Variants in CNTNAP5 observed in about 807,000 individuals in gnomAD.
CNTNAP5 encodes contactin-associated protein-like 5.
Under a neutral mutation model 150.2 loss-of-function variants are expected in CNTNAP5, and 72 were observed. That is an observed-to-expected ratio of 0.48 (90% CI 0.40 to 0.58). The LOEUF (loss-of-function observed/expected upper bound fraction) is 0.58. Among genes scored for constraint, CNTNAP5 ranks in the 20% least tolerant of loss-of-function variants. The pLI is 0.00. For missense variants in CNTNAP5, 1,636 were observed against 1,626.2 expected, an observed-to-expected ratio of 1.01 and a Z score of -0.10; for synonymous variants, 672 against 619.8, an observed-to-expected ratio of 1.08 and a Z score of -1.25.
intron 19 of CNTNAP5, among the ~76,000 whole-genome samples, chr2:124,807,501 T>G (rs1682106094): frequency 6.6e-6 from 1 of 152,200 alleles, no homozygotes; most frequent in Non-Finnish European, 1.5e-5. Flanking sequence ...TTAATTCATC[T>G]CATTCTCACA....
At chr2:124,899,881 G>A (rs902738089) in intron 21 of CNTNAP5, among the ~76,000 whole-genome samples, 1 of 151,382 alleles carries the variant, frequency 6.6e-6, no homozygotes, top group African/African-American at 2.5e-5. Context: ...TGAATTCTGT[G>A]AGGCACTTAA....
At chr2:124,280,451 T>C (rs1056495944) in intron 3 of CNTNAP5, among the ~76,000 whole-genome samples, 3 of 152,142 alleles carry the variant, frequency 2.0e-5, no homozygotes, top group African/African-American at 7.2e-5. Context: ...ATTACAGTCA[T>C]GAGCTACCAC....
rs778939777 is a variant in CNTNAP5, at chr2:124,617,085, C to T, written c.1876+7165C>T. 5.3e-4 allele frequency among the ~76,000 whole-genome samples: 80 copies of T among 151,610 alleles called. 1 individual carries two copies. Among genetic ancestry groups the T allele is most frequent in the Admixed American group, 3.3e-3 (50 of 15,214 alleles). ...CAATGATAATAATATAATATAATAA[C>T]GATAATTATAATAATAATATACATA... On this transcript the variant is annotated intron_variant, in intron 12 of 23. Transcript: ENST00000682447.
At chr2:124,493,320 A>C (rs1479002494) in intron 7 of CNTNAP5, among the ~76,000 whole-genome samples, 1 of 151,094 alleles carries the variant, frequency 6.6e-6, no homozygotes, top group Non-Finnish European at 1.5e-5. Context: ...TTTTTAATTA[A>C]AAATATTTAA....
chr2:124,083,669 C>T (rs1003467003), intron 1 of CNTNAP5, among the ~76,000 whole-genome samples: 6 of 151,876 alleles, frequency 4.0e-5, no homozygotes, highest in African/African-American at 1.5e-4. Context: ...ATTTATGTGT[C>T]CCTCTTTCTA....
chr2:124,619,869 A>ATG (rs1404308522), intron 12 of CNTNAP5, among the ~76,000 whole-genome samples: 3 of 118,622 alleles, frequency 2.5e-5, no homozygotes, highest in African/African-American at 1.1e-4. Flanking sequence ...ATATATATAT[A>ATG]TATATATATA....
chr2:124,532,221 A>G (rs1695126006), intron 10 of CNTNAP5, among the ~76,000 whole-genome samples: 1 of 152,208 alleles, frequency 6.6e-6, no homozygotes, highest in Non-Finnish European at 1.5e-5. Flanking sequence ...CATTCCTCAC[A>G]TAAAAGTTTT....
intron 7 of CNTNAP5, among the ~76,000 whole-genome samples, chr2:124,475,763 A>G (rs1286353413): frequency 6.6e-6 from 1 of 152,034 alleles, no homozygotes; most frequent in Non-Finnish European, 1.5e-5. Flanking sequence ...TTTGCTCTTA[A>G]CCTGCCTATG....
chr2:124,805,553 T>C (rs565280541), intron 19 of CNTNAP5, among the ~76,000 whole-genome samples: 18 of 152,236 alleles, frequency 1.2e-4, no homozygotes, highest in Admixed American at 8.5e-4. Context: ...AGCTTCTAAG[T>C]CAGTCCTCTA....
intron 6 of CNTNAP5, among the ~76,000 whole-genome samples, chr2:124,461,002 G>T (rs976180165): frequency 1.2e-4 from 19 of 152,232 alleles, no homozygotes; most frequent in Admixed American, 9.8e-4. Context: ...AGTTAAAATG[G>T]CAATCATTAA....
chr2:124,649,627 G>A (rs538520208), intron 13 of CNTNAP5, among the ~76,000 whole-genome samples: 16 of 152,298 alleles, frequency 1.1e-4, no homozygotes, highest in South Asian at 8.3e-4. Context: ...GGGAGGGCAC[G>A]GGTTTGGCAG....
intron 12 of CNTNAP5, among the ~76,000 whole-genome samples, chr2:124,627,927 G>A (rs1677763675): frequency 1.3e-5 from 2 of 152,118 alleles, no homozygotes; most frequent in African/African-American, 4.8e-5. Flanking sequence ...GCAAACACAA[G>A]TATCAATAGC....
At chr2:124,665,308 G>T (rs1347121224) in intron 13 of CNTNAP5, among the ~76,000 whole-genome samples, 1 of 152,128 alleles carries the variant, frequency 6.6e-6, no homozygotes, top group South Asian at 2.1e-4. Context: ...TCTATTTATA[G>T]ATCCTCATGT....
rs577735936 is a variant in CNTNAP5 at position 124,196,669 on chromosome 2, A to G, written c.83-25036A>G. On this transcript the variant is annotated intron_variant, in intron 1 of 23. Coordinates refer to ENST00000682447, the MANE Select transcript of CNTNAP5 (RefSeq NM_001367498.1). Reference sequence around the variant, plus strand: ...CCACTTCCCACTGTAAACAGTCACAAAGCATTTTAAAATAGGTTCATTTTT... The same window carrying G: ...CCACTTCCCACTGTAAACAGTCACAGAGCATTTTAAAATAGGTTCATTTTT... 4.6e-4 allele frequency among the ~76,000 whole-genome samples: 70 copies of G among 152,326 alleles called. No individual in the cohort carries two copies. The South Asian group carries it at 6.4e-3, about 14-fold the overall frequency.
At chr2:124,540,549 G>T (rs1176594034) in intron 10 of CNTNAP5, among the ~76,000 whole-genome samples, 1 of 152,136 alleles carries the variant, frequency 6.6e-6, no homozygotes, top group Non-Finnish European at 1.5e-5. Context: ...TCTGTACCAG[G>T]CACATTTCTT....
chr2:124,437,646 C>A (rs939019290), intron 5 of CNTNAP5, among the ~76,000 whole-genome samples: 10 of 151,976 alleles, frequency 6.6e-5, no homozygotes, highest in African/African-American at 2.4e-4. Context: ...TATATGAATT[C>A]TTTAAATATT....
intron 8 of CNTNAP5, among the ~76,000 whole-genome samples, chr2:124,522,918 T>C (rs1049503876): frequency 5.3e-5 from 8 of 152,240 alleles, no homozygotes; most frequent in African/African-American, 1.4e-4. Flanking sequence ...TTAGTTAGGC[T>C]TTCTTTCTTC....
At chr2:124,276,296 G>A (rs1014940020) in intron 3 of CNTNAP5, among the ~76,000 whole-genome samples, 1 of 152,116 alleles carries the variant, frequency 6.6e-6, no homozygotes, top group African/African-American at 2.4e-5. Flanking sequence ...GGCATATCAG[G>A]CACACTTCAA....
chr2:124,615,986 G>A (rs952592514), intron 12 of CNTNAP5, among the ~76,000 whole-genome samples: 2 of 152,202 alleles, frequency 1.3e-5, no homozygotes, highest in Admixed American at 1.3e-4. Context: ...TCAATGGTGG[G>A]CTTAAAATAT....
Sources: gnomAD v4.1 joint callset for allele counts (sites outside exome capture counted in the v4.1 genomes callset) on GRCh38, gnomAD v4.1.1 for gene constraint, MANE v1.5 for transcripts, NCBI Gene and HGNC (gene_info 2026-07-23, HGNC 2026-07-21) for gene names.